Variants in SPTBN1 observed in about 807,000 individuals in gnomAD.
SPTBN1 encodes spectrin beta, non-erythrocytic 1, also known as spectrin beta chain, non-erythrocytic 1.
Under a neutral mutation model 266.4 loss-of-function variants are expected in SPTBN1, and 32 were observed. That is an observed-to-expected ratio of 0.12 (90% CI 0.09 to 0.16). The LOEUF is 0.16. Among genes scored for constraint, SPTBN1 ranks in the 10% least tolerant of loss-of-function variants. The probability of loss-of-function intolerance (pLI) is 1.00; values close to 1 mark genes in which losing one functional copy is unlikely to be tolerated. For synonymous variants in SPTBN1, 1,336 were observed against 1,162.2 expected (o/e 1.15, Z -3.04); for missense variants, 2,296 against 3,067.1 (o/e 0.75, Z 5.94).
chr2:54,611,774 A>T (rs1012530153), intron 3 of SPTBN1, among the ~76,000 whole-genome samples: 1 of 152,066 alleles, frequency 6.6e-6, no homozygotes, highest in African/African-American at 2.4e-5. Context: ...CTAATTTTAC[A>T]TTCCAAGTAA....
rs534183283 is a variant in SPTBN1 at position 54,657,995 on chromosome 2, G to A, written c.6192G>A (p.Lys2064=). Residue 2064 remains lysine (K), a synonymous_variant, in exon 30 of 36, where the codon AAG becomes AAA. Coordinates refer to ENST00000356805, the MANE Select transcript of SPTBN1 (RefSeq NM_003128.3). The part of the protein sequence containing the change: ...KLIKRHEAFE[K]SAATWDERFS... The stretch of plus-strand genomic sequence containing the variant: ...TCAAGCGCCACGAGGCATTTGAAAA[G>A]TCTGCAGCAACCTGGGATGAGAGGT... 7.4e-6 allele frequency: 12 copies of A among 1,614,158 alleles called. No individual in the cohort carries two copies. The highest frequency in any genetic ancestry group is 1.0e-5 in the Non-Finnish European group (12 of 1,180,056).
At chr2:54,624,767 AC>A (rs775186112) in intron 10 of SPTBN1, 36 bp from the exon 11 acceptor site, 2 of 1,612,894 alleles carry the variant, frequency 1.2e-6, no homozygotes, top group East Asian at 4.5e-5. Context: ...ACTGCAGGAA[AC>A]TGTGTTTGTG....
intron 2 of SPTBN1, among the ~76,000 whole-genome samples, chr2:54,542,767 G>A (rs936267429): frequency 3.9e-5 from 6 of 152,094 alleles, no homozygotes; most frequent in African/African-American, 1.2e-4. Flanking sequence ...AGACTTCCTA[G>A]GACATGCTCT....
At chr2:54,655,756 T>A (rs967828633) in intron 28 of SPTBN1, among the ~76,000 whole-genome samples, 158 bp from the exon 29 acceptor site, 5 of 152,224 alleles carry the variant, frequency 3.3e-5, no homozygotes, top group African/African-American at 1.2e-4. Flanking sequence ...TGCTTTTCTT[T>A]CCTCTCCCAG....
chr2:54,644,098 A>G (rs1485611738), intron 19 of SPTBN1, among the ~76,000 whole-genome samples: 1 of 152,168 alleles, frequency 6.6e-6, no homozygotes, highest in Non-Finnish European at 1.5e-5. Flanking sequence ...AGTTGAGACT[A>G]TTTCAGCATG....
chr2:54,571,941 TC>T (rs1444806231), intron 2 of SPTBN1, among the ~76,000 whole-genome samples: 1 of 152,236 alleles, frequency 6.6e-6, no homozygotes, highest in African/African-American at 2.4e-5. Flanking sequence ...AAACTAAAAC[TC>T]CAGGAAGGGC....
chr2:54,521,206 A>C (rs1447823085), intron 1 of SPTBN1, among the ~76,000 whole-genome samples: 1 of 152,148 alleles, frequency 6.6e-6, no homozygotes, highest in African/African-American at 2.4e-5. Flanking sequence ...TGGAGTTTGG[A>C]GTCTCCATGC....
chr2:54,601,122 A>T (rs1315660461), intron 3 of SPTBN1, among the ~76,000 whole-genome samples: 3 of 152,158 alleles, frequency 2.0e-5, no homozygotes, highest in Non-Finnish European at 4.4e-5. Context: ...CTAGGAGAGT[A>T]AGGATGAAGA....
intron 3 of SPTBN1, among the ~76,000 whole-genome samples, chr2:54,600,495 T>A (rs1676427637): frequency 6.6e-6 from 1 of 152,158 alleles, no homozygotes; most frequent in African/African-American, 2.4e-5. Flanking sequence ...GGCAGTTGAT[T>A]TGTGGTCTGG....
rs537612500 is a variant in SPTBN1 at position 54,491,703 on chromosome 2, C to A, written c.-47-34669C>A. ...CTCCTTGGCTCAAGCAGTCCTTCTG[C>A]CTCAGCCTCTTGGTGTGGCTGGGAC... On this transcript the variant is annotated intron_variant, in intron 1 of 35. Coordinates refer to ENST00000356805, the MANE Select transcript of SPTBN1 (RefSeq NM_003128.3). Among the ~76,000 whole-genome samples the A allele has an allele frequency of 1.2e-4, 19 of 152,250 alleles. No homozygotes were observed. The South Asian group carries it at 3.3e-3, about 27-fold the overall frequency.
At chr2:54,571,075 A>G (rs1674029696) in intron 2 of SPTBN1, among the ~76,000 whole-genome samples, 1 of 152,120 alleles carries the variant, frequency 6.6e-6, no homozygotes, top group Non-Finnish European at 1.5e-5. Context: ...TCTGCAAACA[A>G]CTGCCAAGCA....
chr2:54,557,431 A>G (rs1672951136), intron 2 of SPTBN1, among the ~76,000 whole-genome samples: 1 of 152,144 alleles, frequency 6.6e-6, no homozygotes, highest in South Asian at 2.1e-4. Flanking sequence ...GGGGAGATCT[A>G]GAGTCAATTT....
chr2:54,666,151 T>G, intron 34 of SPTBN1, 63 bp downstream of exon 34: 1 of 1,516,376 alleles, frequency 6.6e-7, no homozygotes, highest in East Asian at 2.3e-5. Context: ...CTCTGGGGTT[T>G]GGTTTTCTTA....
chr2:54,478,722 A>G (rs1244407918), intron 1 of SPTBN1, among the ~76,000 whole-genome samples: 1 of 152,216 alleles, frequency 6.6e-6, no homozygotes, highest in Non-Finnish European at 1.5e-5. Context: ...CTTGGGATGC[A>G]TTTTAAAATT....
At chr2:54,662,862 T>C (rs1205323564) in intron 32 of SPTBN1, 1 of 152,224 alleles carries the variant, frequency 6.6e-6, no homozygotes, top group East Asian at 1.9e-4. Flanking sequence ...AAGGCCTTGG[T>C]GATCACCATG....
At position 54,580,058 on chromosome 2, in the gene SPTBN1, A is replaced by T. The variant is rs181156334; in HGVS notation, c.149-19034A>T. ...ATATTTTCATTTACGTTAAAGCCAT[A>T]TATGAGAGAGATTTCCGGGCTGGCT... is the stretch of plus-strand genomic sequence containing the variant. On this transcript the variant is annotated intron_variant, in intron 2 of 35. Transcript: ENST00000356805. Among the ~76,000 whole-genome samples, 25 of 152,318 alleles carry T rather than the reference A, an allele frequency of 1.6e-4. No homozygotes were observed. In the East Asian group the frequency reaches 2.3e-3, roughly 14 times the overall value.
chr2:54,557,820 C>T, intron 2 of SPTBN1: 9 of 985,444 alleles, frequency 9.1e-6, no homozygotes, highest in Non-Finnish European at 1.1e-5. Context: ...CTTCACTGAG[C>T]CCGAACTTAC....
At chr2:54,621,322 T>C in intron 7 of SPTBN1, 78 bp from the exon 8 acceptor site, 1 of 982,754 alleles carries the variant, frequency 1.0e-6, no homozygotes, top group Non-Finnish European at 1.6e-6. Flanking sequence ...TGACCAGCAG[T>C]CGTTGCATTT....
intron 31 of SPTBN1, among the ~76,000 whole-genome samples, 185 bp from the exon 32 acceptor site, chr2:54,659,751 A>G (rs531280735): frequency 6.6e-6 from 1 of 152,204 alleles, no homozygotes; most frequent in South Asian, 2.1e-4. Context: ...GCATTCCTGT[A>G]GTCGTATTTT....
Sources: gnomAD v4.1 joint callset for allele counts (sites outside exome capture counted in the v4.1 genomes callset) on GRCh38, gnomAD v4.1.1 for gene constraint, MANE v1.5 for transcripts, NCBI Gene and HGNC (gene_info 2026-07-23, HGNC 2026-07-21) for gene names.